SNAP25: variants seen among roughly 807,000 people sequenced by gnomAD.
SNAP25 encodes the protein synaptosomal-associated protein 25.
A neutral mutation model predicts 28.7 loss-of-function variants in SNAP25; 3 were observed. The ratio of observed to expected loss-of-function variants is 0.10; its 90% CI spans 0.05 to 0.27. The LOEUF is 0.27. Among genes scored for constraint, SNAP25 ranks in the 10% least tolerant of loss-of-function variants. SNAP25 has a pLI of 1.00. For missense variants in SNAP25, 117 were observed against 278.7 expected (o/e 0.42, Z 4.13); for synonymous variants, 61 against 88.1 (o/e 0.69, Z 1.72).
intron 1 of SNAP25, among the ~76,000 whole-genome samples, chr20:10,273,903 C>T (rs1446542580): frequency 1.3e-5 from 2 of 152,174 alleles, no homozygotes; most frequent in African/African-American, 2.4e-5. Flanking sequence ...CTTCGATGGC[C>T]TGGGGACATG....
chr20:10,227,307 C>T (rs1319079429), intron 1 of SNAP25, among the ~76,000 whole-genome samples: 1 of 152,062 alleles, frequency 6.6e-6, no homozygotes, highest in Admixed American at 6.6e-5. Flanking sequence ...TCTTTGAGAG[C>T]AAGGGTAATA....
At chr20:10,230,399 A>G (rs1468105143) in intron 1 of SNAP25, among the ~76,000 whole-genome samples, 1 of 152,112 alleles carries the variant, frequency 6.6e-6, no homozygotes, top group Non-Finnish European at 1.5e-5. Context: ...AGTTAATAAG[A>G]GAGAGAACTT....
rs753325592 is a variant in SNAP25, at chr20:10,275,480, C to T, written c.-12C>T. 6.3e-7 allele frequency: 1 copy of T among 1,598,680 alleles called. No individual in the cohort carries two copies. The highest frequency in any genetic ancestry group is 1.1e-5 in the South Asian group (1 of 88,010). On this transcript the variant is annotated 5_prime_UTR_variant, in exon 2 of 8. Coordinates refer to ENST00000254976, the MANE Select transcript of SNAP25 (RefSeq NM_130811.4). ...CCCCAGCCCAGGCGCCCAGCCACTC[C>T]CCACCGCTACCATGGCCGAAGACGC...
chr20:10,287,324 T>C (rs1333054207), intron 4 of SNAP25, among the ~76,000 whole-genome samples: 1 of 151,730 alleles, frequency 6.6e-6, no homozygotes, highest in East Asian at 1.9e-4. Context: ...AAAAAACAAA[T>C]AACCCCATCA....
rs115180128 is a variant in SNAP25 at position 10,224,746 on chromosome 20, C to G, written c.-64+5769C>G. Among the ~76,000 whole-genome samples the G allele has an allele frequency of 1.2e-3, 180 of 152,054 alleles. 1 individual carries two copies. The highest frequency in any genetic ancestry group is 4.2e-3 in the African/African-American group (176 of 41,480). ...GAAATCCTGTCTTCTTCCTCAAAGC[C>G]CTATTCTGAGTCATCACTGCTTTGG... is the stretch of plus-strand genomic sequence containing the variant. On this transcript the variant is annotated intron_variant, in intron 1 of 7. Transcript: ENST00000254976.
At chr20:10,292,953 A>C in intron 4 of SNAP25, 1 of 1,613,914 alleles carries the variant, frequency 6.2e-7, no homozygotes, top group Non-Finnish European at 8.5e-7. Flanking sequence ...GAAAAATTTA[A>C]AAGATTTAGG....
chr20:10,254,397 C>T (rs2063283241), intron 1 of SNAP25, among the ~76,000 whole-genome samples: 1 of 152,196 alleles, frequency 6.6e-6, no homozygotes, highest in Non-Finnish European at 1.5e-5. Flanking sequence ...CTTCCCCTTT[C>T]TTGACCTATC....
At chr20:10,222,219 A>T (rs1173638740) in intron 1 of SNAP25, among the ~76,000 whole-genome samples, 1 of 152,284 alleles carries the variant, frequency 6.6e-6, no homozygotes, top group Non-Finnish European at 1.5e-5. Flanking sequence ...ATAAACAATA[A>T]GTTAATAAAT....
intron 1 of SNAP25, among the ~76,000 whole-genome samples, chr20:10,221,188 C>T (rs1424354345): frequency 6.6e-6 from 1 of 152,148 alleles, no homozygotes; most frequent in Non-Finnish European, 1.5e-5. Flanking sequence ...CCTAATGCTG[C>T]CGGAATTACG....
At chr20:10,288,170 T>TA (rs1172307760) in intron 4 of SNAP25, among the ~76,000 whole-genome samples, 9 of 151,708 alleles carry the variant, frequency 5.9e-5, no homozygotes, top group South Asian at 4.2e-4. Flanking sequence ...AATAATAAAA[T>TA]AAAAAAATTT....
At chr20:10,248,977 C>T (rs551446549) in intron 1 of SNAP25, among the ~76,000 whole-genome samples, 71 of 152,254 alleles carry the variant, frequency 4.7e-4, no homozygotes, top group Admixed American at 2.5e-3. Context: ...CTGTTAATTC[C>T]GCTTCACAGA....
At chr20:10,223,801 C>G (rs2062679440) in intron 1 of SNAP25, among the ~76,000 whole-genome samples, 1 of 152,192 alleles carries the variant, frequency 6.6e-6, no homozygotes, top group South Asian at 2.1e-4. Flanking sequence ...TAATTTTCTT[C>G]ACAAGACTCT....
chr20:10,293,073 A>G lies in SNAP25; in HGVS notation c.164-88A>G. On this transcript the variant is annotated intron_variant, in intron 4 of 7. Transcript: ENST00000254976. This position sits in a 1 kb window ranked among gnomAD's most constrained non-coding sequence, Gnocchi z 5.6. ...TTTTTTTTTTTTCTTTTTTAATGTC[A>G]AAGTGAATGTCTGAAGTTTTGTCTT... The G allele has an allele frequency of 6.9e-7, 1 of 1,442,922 alleles. No homozygotes were observed. Among genetic ancestry groups the G allele is most frequent in the Middle Eastern group, 1.8e-4 (1 of 5,552 alleles). 89.4% of individuals were successfully genotyped at this position (1,442,922 alleles called of 1,614,324 possible).
intron 1 of SNAP25, among the ~76,000 whole-genome samples, chr20:10,225,461 T>C (rs561053960): frequency 2.4e-4 from 36 of 152,160 alleles, no homozygotes; most frequent in Non-Finnish European, 4.6e-4. Flanking sequence ...TCTAAATGCT[T>C]AACAATGATT....
intron 1 of SNAP25, 35 bp from the exon 2 acceptor site, chr20:10,275,394 T>G: frequency 9.3e-7 from 1 of 1,070,030 alleles, no homozygotes; most frequent in Non-Finnish European, 1.4e-6. Context: ...TGAACATATA[T>G]AAGCTCTCAT....
At chr20:10,248,544 A>G (rs1405621175) in intron 1 of SNAP25, among the ~76,000 whole-genome samples, 7 of 152,198 alleles carry the variant, frequency 4.6e-5, no homozygotes, top group Non-Finnish European at 8.8e-5. Flanking sequence ...GTTATGTGCT[A>G]TATGTCAGAA....
chr20:10,266,398 G>A (rs1044023034), intron 1 of SNAP25, among the ~76,000 whole-genome samples: 1 of 152,208 alleles, frequency 6.6e-6, no homozygotes, highest in African/African-American at 2.4e-5. Flanking sequence ...CAGGGAAAGA[G>A]ATTATTAGTC....
chr20:10,250,427 G>A (rs771786719), intron 1 of SNAP25, among the ~76,000 whole-genome samples: 2 of 152,096 alleles, frequency 1.3e-5, no homozygotes, highest in Non-Finnish European at 2.9e-5. Context: ...TAAATTTTCT[G>A]AGCACATTAG....
intron 1 of SNAP25, among the ~76,000 whole-genome samples, chr20:10,225,389 G>A (rs1348613700): frequency 1.3e-5 from 2 of 152,098 alleles, no homozygotes; most frequent in East Asian, 3.9e-4. Context: ...TTACTGGTAA[G>A]AACAAATCTG....
Sources: allele counts gnomAD v4.1 joint callset (sites outside exome capture counted in the v4.1 genomes callset), GRCh38; gene constraint gnomAD v4.1.1; non-coding constraint Gnocchi (gnomAD v3.1); transcripts MANE v1.5; gene names NCBI Gene and HGNC (gene_info 2026-07-23, HGNC 2026-07-21).